The following TRERF1 variants were observed in gnomAD, a reference collection of about 807,000 sequenced individuals.
TRERF1 encodes the protein transcriptional regulating factor 1.
Under a neutral mutation model 122.9 loss-of-function variants are expected in TRERF1, and 27 were observed. The ratio of observed to expected loss-of-function variants is 0.22; its 90% confidence interval spans 0.16 to 0.30. The LOEUF is 0.30. Ranked by LOEUF, TRERF1 falls within the 10% of genes least tolerant of loss-of-function variation. TRERF1 has a pLI of 1.00. For synonymous variants in TRERF1, 636 were observed against 641.7 expected (o/e 0.99, Z 0.13); for missense variants, 1,248 against 1,560.3 (o/e 0.80, Z 3.37).
At chr6:42,285,308 C>T (rs1274928952) in intron 4 of TRERF1, among the ~76,000 whole-genome samples, 2 of 152,070 alleles carry the variant, frequency 1.3e-5, no homozygotes, top group Admixed American at 6.6e-5. Flanking sequence ...TATAAGAATG[C>T]TTGTGATTTT....
At chr6:42,378,486 A>G (rs571017236) in intron 2 of TRERF1, among the ~76,000 whole-genome samples, 20 of 152,332 alleles carry the variant, frequency 1.3e-4, no homozygotes, top group Admixed American at 7.2e-4. Flanking sequence ...CAGCATATCA[A>G]GAAAGTCATG....
In TRERF1 at chr6:42,352,914, G is replaced by A. The variant is rs1201937835; in HGVS notation, c.-371+10083C>T. 2.6e-5 allele frequency among the ~76,000 whole-genome samples: 4 copies of A among 152,164 alleles called. No individual in the cohort carries two copies. In the South Asian group the frequency reaches 6.2e-4, roughly 24 times the overall value. On this transcript the variant is annotated intron_variant, in intron 3 of 17. Transcript: ENST00000372922. ...AGGATCCAACATTGCTAAGATTATCGTGAAATGGGTAATCATATACACTGA... is the reference window on the plus strand; with the variant it reads ...AGGATCCAACATTGCTAAGATTATCATGAAATGGGTAATCATATACACTGA...
intron 3 of TRERF1, among the ~76,000 whole-genome samples, chr6:42,328,985 T>C: frequency 6.6e-6 from 1 of 152,118 alleles, no homozygotes; most frequent in East Asian, 1.9e-4. Flanking sequence ...TAGCAAGCAC[T>C]GGGAGAAACA....
Position 42,431,801 on chromosome 6 carries a change from T to C in TRERF1, c.-454+19376A>G, listed in dbSNP as rs567080156. Reference sequence around the variant, plus strand: ...TCTCAAGCTATAAAGTGAGCCGCCATGTCTGAGACCAGGTCCCAAATGCAC... The same window carrying C: ...TCTCAAGCTATAAAGTGAGCCGCCACGTCTGAGACCAGGTCCCAAATGCAC... On this transcript the variant is annotated intron_variant, in intron 2 of 17. Transcript: ENST00000372922. Among the ~76,000 whole-genome samples, 6 of 151,980 alleles carry C rather than the reference T, an allele frequency of 3.9e-5. No individual in the cohort carries two copies. In the South Asian group the frequency reaches 1.0e-3, roughly 26 times the overall value.
chr6:42,389,198 T>C (rs1777300595), intron 2 of TRERF1, among the ~76,000 whole-genome samples: 1 of 152,234 alleles, frequency 6.6e-6, no homozygotes, highest in South Asian at 2.1e-4. Flanking sequence ...CACTGAAATC[T>C]GTAAGGCTGT....
At chr6:42,251,896 C>T (rs1168742550) in intron 13 of TRERF1, among the ~76,000 whole-genome samples, 4 of 152,202 alleles carry the variant, frequency 2.6e-5, no homozygotes, top group African/African-American at 7.2e-5. Context: ...TAACACCCCT[C>T]TGCAGGAATG....
intron 2 of TRERF1, among the ~76,000 whole-genome samples, chr6:42,432,727 C>T (rs1189634448): frequency 6.6e-6 from 1 of 151,838 alleles, no homozygotes; most frequent in African/African-American, 2.4e-5. Context: ...CTTGTAGTCC[C>T]AGCTACTCAG....
At chr6:42,386,494 A>C (rs1776841529) in intron 2 of TRERF1, among the ~76,000 whole-genome samples, 1 of 152,180 alleles carries the variant, frequency 6.6e-6, no homozygotes, top group Admixed American at 6.5e-5. Context: ...AAGAGGACCA[A>C]AGACTCCCCC....
At chr6:42,235,292 C>CA (rs1771855809) in intron 16 of TRERF1, among the ~76,000 whole-genome samples, 2 of 152,154 alleles carry the variant, frequency 1.3e-5, no homozygotes. Flanking sequence ...CTGCAAGGGG[C>CA]AACATTATTT....
rs762717651 is a variant in TRERF1, at chr6:42,259,646, G to T, written c.1962C>A (p.Phe654Leu). 4 of 1,612,598 alleles carry T rather than the reference G, an allele frequency of 2.5e-6. No homozygotes were observed. The highest frequency in any genetic ancestry group is 3.4e-6 in the Non-Finnish European group (4 of 1,180,002). The change falls in exon 9 of 18, where the codon TTC becomes TTA. Residue 654 changes from phenylalanine (F) to leucine (L), a missense_variant. By Grantham distance (22) the Phe-to-Leu change is conservative. Around this residue, in one of 5 missense-constraint regions of TRERF1, gnomAD observed 946 missense variants for 1,073.0 expected, o/e 0.88. Transcript: ENST00000372922. This position sits in a 1 kb window ranked among gnomAD's most constrained non-coding sequence, Gnocchi z 4.9. ...TGAAGAGAGGTTCCGGCCGGTGCCG[G>T]AACTTTTTCTTCTCCTGCACGGTCT...
At chr6:42,443,467 T>C (rs577330514) in intron 2 of TRERF1, among the ~76,000 whole-genome samples, 113 of 152,356 alleles carry the variant, frequency 7.4e-4, no homozygotes, top group African/African-American at 2.6e-3. Flanking sequence ...TTCAGCTTCA[T>C]AGCACAATCC....
intron 2 of TRERF1, among the ~76,000 whole-genome samples, chr6:42,442,342 C>A (rs1375180291): frequency 6.6e-6 from 1 of 152,106 alleles, no homozygotes; most frequent in Non-Finnish European, 1.5e-5. Flanking sequence ...CTAGGAGCAG[C>A]CTCTGTAATG....
At chr6:42,407,163 C>G (rs1185948642) in intron 2 of TRERF1, among the ~76,000 whole-genome samples, 1 of 152,184 alleles carries the variant, frequency 6.6e-6, no homozygotes, top group Non-Finnish European at 1.5e-5. Context: ...ACAAACCAGG[C>G]TTACAAAAAG....
At chr6:42,287,436 C>T (rs1783463474) in intron 4 of TRERF1, among the ~76,000 whole-genome samples, 1 of 152,116 alleles carries the variant, frequency 6.6e-6, no homozygotes. Flanking sequence ...AAACCCTCTG[C>T]TCCTAAAGGA....
chr6:42,349,989 C>T (rs918537678), intron 3 of TRERF1, among the ~76,000 whole-genome samples: 1 of 152,136 alleles, frequency 6.6e-6, no homozygotes, highest in African/African-American at 2.4e-5. Flanking sequence ...AGAGGAAAAT[C>T]GTATTAGATT....
intron 2 of TRERF1, among the ~76,000 whole-genome samples, chr6:42,407,042 T>C (rs1780279938): frequency 6.6e-6 from 1 of 152,174 alleles, no homozygotes; most frequent in African/African-American, 2.4e-5. Context: ...AAGCTCAAGG[T>C]CATCTAGCTC....
chr6:42,235,468 G>A (rs896971915), intron 16 of TRERF1, among the ~76,000 whole-genome samples: 1 of 152,204 alleles, frequency 6.6e-6, no homozygotes, highest in African/African-American at 2.4e-5. Context: ...GACAAGGCCA[G>A]CACAGATACC....
rs1013847381 is a variant in TRERF1, at chr6:42,296,117, G to A, written c.-259+4521C>T. Among the ~76,000 whole-genome samples, 6 of 152,208 alleles carry A rather than the reference G, an allele frequency of 3.9e-5. No individual in the cohort carries two copies. In the East Asian group the frequency reaches 5.8e-4, roughly 15 times the overall value. ...GTCCACGCAGCCCCAGCCCCACCACGGCACCAGGACACAGGGCACAGCTCA... is the reference window on the plus strand; with the variant it reads ...GTCCACGCAGCCCCAGCCCCACCACAGCACCAGGACACAGGGCACAGCTCA... On this transcript the variant is annotated intron_variant, in intron 4 of 17. Coordinates refer to ENST00000372922, the Ensembl canonical transcript of TRERF1.
intron 6 of TRERF1, 79 bp downstream of exon 6, chr6:42,265,671 AT>A: frequency 2.1e-6 from 3 of 1,427,954 alleles, no homozygotes; most frequent in Non-Finnish European, 2.9e-6. Context: ...ATGACTTGGA[AT>A]TTAAAAATGA....
Sources: allele counts gnomAD v4.1 joint callset (sites outside exome capture counted in the v4.1 genomes callset), GRCh38; gene constraint gnomAD v4.1.1; regional missense constraint gnomAD v4.1.1; non-coding constraint Gnocchi (gnomAD v3.1); transcripts MANE v1.5; gene names NCBI Gene and HGNC (gene_info 2026-07-23, HGNC 2026-07-21).